The following GLIPR2 variants were observed in gnomAD, a reference collection of about 807,000 sequenced individuals.
The protein encoded by GLIPR2 is GLI pathogenesis related 2.
GLIPR2 carries 21 observed loss-of-function variants against 20.4 expected under a neutral mutation model. That is an observed-to-expected ratio of 1.03 (90% CI 0.73 to 1.48). The LOEUF (loss-of-function observed/expected upper bound fraction) is 1.48, where lower values mean the gene tolerates loss of function less well. Ranked by LOEUF, GLIPR2 falls within the 40% of genes most tolerant of loss-of-function variation. The probability of loss-of-function intolerance (pLI) is 0.00; values close to 1 mark genes in which losing one functional copy is unlikely to be tolerated. For missense variants in GLIPR2, 205 were observed against 200.1 expected (o/e 1.02, Z -0.15); for synonymous variants, 91 against 80.5 (o/e 1.13, Z -0.70).
At chr9:36,141,983 C>T (rs1825110639) in intron 1 of GLIPR2, 1 of 416,146 alleles carries the variant, frequency 2.4e-6, no homozygotes, top group African/African-American at 2.1e-5. Context: ...CCTGGGGAGC[C>T]AGGCCCAGGG....
chr9:36,142,046 C>T (rs1378362000), intron 1 of GLIPR2, among the ~76,000 whole-genome samples: 1 of 152,152 alleles, frequency 6.6e-6, no homozygotes, highest in Non-Finnish European at 1.5e-5. Context: ...CCCCTGGTAA[C>T]CTGCACTCTG....
Position 36,148,670 on chromosome 9 carries a change from C to A in GLIPR2, c.226+20C>A. ...AGACAGGTGGGTCGCATTTTCAGCT[C>A]CTCTCCTCTCTGCGGGAGCTGGAAG... On this transcript the variant is annotated intron_variant, in intron 3 of 4. Coordinates refer to ENST00000377960, the MANE Select transcript of GLIPR2 (RefSeq NM_022343.4). 6.6e-7 allele frequency: 1 copy of A among 1,518,768 alleles called. No individual in the cohort carries two copies. Among genetic ancestry groups the A allele is most frequent in the Non-Finnish European group, 9.1e-7 (1 of 1,095,804 alleles). The allele number at this position is 1,518,768 out of a possible 1,614,324, so 94.1% of individuals were successfully genotyped here. A position where few individuals can be genotyped will look rare whatever the true frequency, so the allele number is the denominator to read the frequency against.
In GLIPR2 at chr9:36,162,483, G is replaced by C. The variant is rs1450672309; in HGVS notation, c.426G>C (p.Glu142Asp). 6.2e-7 allele frequency: 1 copy of C among 1,614,178 alleles called. No homozygotes were observed. The highest frequency in any genetic ancestry group is 1.1e-5 in the South Asian group (1 of 91,080). The change falls in exon 5 of 5, where the codon GAG becomes GAC. Residue 142 changes from glutamate (E) to aspartate (D), a missense_variant. Physicochemically the swap from Glu to Asp is conservative, Grantham distance 45. Coordinates refer to ENST00000377960, the MANE Select transcript of GLIPR2 (RefSeq NM_022343.4). The part of the protein sequence containing the change: ...RYFPAGNVVN[E>D]GFFEENVLPP... ...TCCCAGCGGGGAATGTTGTCAATGA[G>C]GGCTTCTTCGAAGAAAACGTCCTGC...
intron 4 of GLIPR2, among the ~76,000 whole-genome samples, chr9:36,153,355 GAA>G (rs1825686404): frequency 6.6e-6 from 1 of 152,136 alleles, no homozygotes; most frequent in Non-Finnish European, 1.5e-5. Context: ...CCCTAAAGAG[GAA>G]AATCCCAGAG....
At position 36,150,321 on chromosome 9, in the gene GLIPR2, G is replaced by A. The variant is rs547138468; in HGVS notation, c.227-551G>A. 4.6e-5 allele frequency among the ~76,000 whole-genome samples: 7 copies of A among 152,298 alleles called. No individual in the cohort carries two copies. The South Asian group carries it at 1.4e-3, about 32-fold the overall frequency. ...CCTGGCTCTGGCCCGGAGAGCAGCA[G>A]CTCCCAGGGAAACGCCTGCCCATAT... On this transcript the variant is annotated intron_variant, in intron 3 of 4. Coordinates refer to ENST00000377960, the MANE Select transcript of GLIPR2 (RefSeq NM_022343.4).
rs12337130 is a variant in GLIPR2 at position 36,162,404 on chromosome 9, G to A, written c.347G>A (p.Gly116Asp). The change falls in exon 5 of 5, where the codon GGC becomes GAC. Residue 116 changes from glycine (G) to aspartate (D), a missense_variant. Gly to Asp is a moderately conservative substitution (Grantham distance 94, BLOSUM62 -1). Coordinates refer to ENST00000377960, the MANE Select transcript of GLIPR2 (RefSeq NM_022343.4). ...GTATGGAAGAACACCAAGAAGATGG[G>A]CGTGGGGAAGGCGTCCGCAAGTGAC... is the stretch of plus-strand genomic sequence containing the variant. ...AMVWKNTKKMGVGKASASDGS... is the reference protein window; with the variant it reads ...AMVWKNTKKMDVGKASASDGS... 1.1e-5 allele frequency: 18 copies of A among 1,613,932 alleles called. No homozygotes were observed. In the African/African-American group the frequency reaches 1.9e-4, roughly 17 times the overall value.
chr9:36,152,034 C>T (rs1242186814), intron 4 of GLIPR2, among the ~76,000 whole-genome samples: 1 of 152,218 alleles, frequency 6.6e-6, no homozygotes, highest in Admixed American at 6.5e-5. Context: ...CGCCAGTCAC[C>T]GTTTCCTGTG....
At chr9:36,150,993 TG>T in intron 4 of GLIPR2, 44 bp downstream of exon 4, 1 of 1,382,532 alleles carries the variant, frequency 7.2e-7, no homozygotes, top group Non-Finnish European at 1.0e-6. Flanking sequence ...TGGGCAGCAA[TG>T]CAGGTTGGGT....
At chr9:36,142,711 C>T (rs56216912) in intron 1 of GLIPR2, among the ~76,000 whole-genome samples, 2 of 152,096 alleles carry the variant, frequency 1.3e-5, no homozygotes, top group Admixed American at 1.3e-4. Context: ...TTGACTTTTT[C>T]TTCCTCCTCT....
rs1364745685 is a variant in GLIPR2, at chr9:36,162,248, A to G, written c.305-114A>G. 3.1e-6 allele frequency: 5 copies of G among 1,599,350 alleles called. No individual in the cohort carries two copies. The Admixed American group carries it at 6.9e-5, about 22-fold the overall frequency. On this transcript the variant is annotated intron_variant, in intron 4 of 4. Coordinates refer to ENST00000377960, the MANE Select transcript of GLIPR2 (RefSeq NM_022343.4). ...CCCCTGCAGGGGGTCTGTGAAGACC[A>G]TGCTGACCTGAGCCTGGCAAGATGG...
At position 36,136,926 on chromosome 9, in the gene GLIPR2, G is replaced by C. The variant is rs1021923295; in HGVS notation, c.13+135G>C. 6 of 1,043,920 alleles carry C rather than the reference G, an allele frequency of 5.7e-6. No individual in the cohort carries two copies. The African/African-American group carries it at 8.2e-5, about 14-fold the overall frequency. 64.7% of individuals were successfully genotyped at this position (1,043,920 alleles called of 1,614,324 possible). On this transcript the variant is annotated intron_variant, in intron 1 of 4. Coordinates refer to ENST00000377960, the MANE Select transcript of GLIPR2 (RefSeq NM_022343.4). The surrounding 1 kb of genome is among the most constrained non-coding windows in gnomAD (Gnocchi z 4.3). The stretch of plus-strand genomic sequence containing the variant: ...GGGTGCGGGTGGAGGGCGCGCGGGC[G>C]GAGCGCCCCGGCGCGGTTTCCGGGG...
intron 4 of GLIPR2, among the ~76,000 whole-genome samples, chr9:36,161,448 G>A (rs1376830043): frequency 6.6e-6 from 1 of 151,966 alleles, no homozygotes; most frequent in East Asian, 1.9e-4. Flanking sequence ...ATTTGAGCTG[G>A]AGAAATAAAT....
chr9:36,162,578 A>T lies in GLIPR2; in HGVS notation c.*56A>T. 1 of 1,563,322 alleles carries T rather than the reference A, an allele frequency of 6.4e-7. No individual in the cohort carries two copies. Among genetic ancestry groups the T allele is most frequent in the East Asian group, 2.3e-5 (1 of 43,720 alleles). On this transcript the variant is annotated 3_prime_UTR_variant, in exon 5 of 5. Coordinates refer to ENST00000377960, the MANE Select transcript of GLIPR2 (RefSeq NM_022343.4). ...TTAAGAACGTGGATATGAAGTGCCT[A>T]GAACCACCACAACCTGGCTGTGCGT...
At position 36,162,779 on chromosome 9, in the gene GLIPR2, G is replaced by GTTT; in HGVS notation, c.*267_*269dup. Reference sequence around the variant, plus strand: ...TTTGGATTGGGGGGAGGGGGGATCCGTTTTTTTTTTTTAATTTTTTGTTAT... The same window carrying GTTT: ...TTTGGATTGGGGGGAGGGGGGATCCGTTTTTTTTTTTTTTTAATTTTTTGTTAT... On this transcript the variant is annotated 3_prime_UTR_variant, in exon 5 of 5. Coordinates refer to ENST00000377960, the MANE Select transcript of GLIPR2 (RefSeq NM_022343.4). 7.5e-6 allele frequency: 3 copies of GTTT among 401,742 alleles called. No homozygotes were observed. The highest frequency in any genetic ancestry group is 1.4e-5 in the Non-Finnish European group (3 of 217,888). 24.9% of individuals were successfully genotyped at this position (401,742 alleles called of 1,614,324 possible).
At chr9:36,145,723 G>A (rs564339854) in intron 1 of GLIPR2, among the ~76,000 whole-genome samples, 2 of 151,712 alleles carry the variant, frequency 1.3e-5, no homozygotes, top group African/African-American at 2.4e-5. Context: ...TTGGATGGAT[G>A]TATAGATGAT....
At chr9:36,155,863 A>G (rs1020874564) in intron 4 of GLIPR2, among the ~76,000 whole-genome samples, 3 of 152,066 alleles carry the variant, frequency 2.0e-5, no homozygotes, top group African/African-American at 4.8e-5. Flanking sequence ...CCCTTCATCC[A>G]GGAGCTCCAG....
Position 36,162,584 on chromosome 9 carries a change from A to T in GLIPR2, c.*62A>T, listed in dbSNP as rs749669381. The T allele has an allele frequency of 1.2e-4, 177 of 1,536,174 alleles. No individual in the cohort carries two copies. Among genetic ancestry groups the T allele is most frequent in the Admixed American group, 6.2e-4 (34 of 54,616 alleles). On this transcript the variant is annotated 3_prime_UTR_variant, in exon 5 of 5. Transcript: ENST00000377960. ...ACGTGGATATGAAGTGCCTAGAACC[A>T]CCACAACCTGGCTGTGCGTCTGTCC... is the stretch of plus-strand genomic sequence containing the variant.
intron 4 of GLIPR2, among the ~76,000 whole-genome samples, chr9:36,152,340 T>C (rs1285528711): frequency 6.6e-6 from 1 of 152,224 alleles, no homozygotes; most frequent in Non-Finnish European, 1.5e-5. Context: ...TCTTATTTCA[T>C]AGCTTCTGGA....
chr9:36,155,902 A>G (rs1199908192), intron 4 of GLIPR2, among the ~76,000 whole-genome samples: 1 of 151,892 alleles, frequency 6.6e-6, no homozygotes, highest in Admixed American at 6.6e-5. Flanking sequence ...GCAAGACCCC[A>G]TCTCTACAAA....
Sources: allele counts gnomAD v4.1 joint callset (sites outside exome capture counted in the v4.1 genomes callset), GRCh38; gene constraint gnomAD v4.1.1; non-coding constraint Gnocchi (gnomAD v3.1); transcripts MANE v1.5; gene names NCBI Gene and HGNC (gene_info 2026-07-23, HGNC 2026-07-21).